Variants in RFPL1 observed in about 807,000 individuals in gnomAD.
RFPL1 encodes ret finger protein like 1.
Under a neutral mutation model 9.6 loss-of-function variants are expected in RFPL1, and 6 were observed. That is an observed-to-expected ratio of 0.62 (90% confidence interval 0.34 to 1.23). RFPL1 has a LOEUF of 1.23. RFPL1 is among the 50% of genes most tolerant of loss of function. RFPL1 has a pLI of 0.03. For synonymous variants in RFPL1, 145 were observed against 149.4 expected, an observed-to-expected ratio of 0.97 and a Z score of 0.22; for missense variants, 352 against 398.4, an observed-to-expected ratio of 0.88 and a Z score of 0.99.
the RFPL1 span, among the ~76,000 whole-genome samples, chr22:29,431,833 G>A: frequency 6.6e-6 from 1 of 151,958 alleles, no homozygotes; most frequent in Non-Finnish European, 1.5e-5. Context: ...TGGGATTACA[G>A]ATGTGCGCCA....
At chr22:29,423,284 G>T in the RFPL1 span, 1 of 987,382 alleles carries the variant, frequency 1.0e-6, no homozygotes. Context: ...CAGAACACAT[G>T]TGGTACAGGA....
At chr22:29,407,865 G>A in the RFPL1 span, among the ~76,000 whole-genome samples, 2 of 152,146 alleles carry the variant, frequency 1.3e-5, no homozygotes, top group African/African-American at 4.8e-5. Context: ...GATTTTCTCT[G>A]AGGATTTTCT....
the RFPL1 span, among the ~76,000 whole-genome samples, chr22:29,408,619 G>A: frequency 6.6e-6 from 1 of 152,116 alleles, no homozygotes; most frequent in Non-Finnish European, 1.5e-5. Context: ...TTTTTCTGGG[G>A]CTTCTAGAAT....
In RFPL1 at chr22:29,439,358, G is replaced by A. The variant is rs1374846569; in HGVS notation, c.373+194G>A. Reference sequence around the variant, plus strand: ...GATCTCCAAAAAAAAGGCTGGCTGGGCATGGTGGCTCATGCCTGTAATGTC... The same window carrying A: ...GATCTCCAAAAAAAAGGCTGGCTGGACATGGTGGCTCATGCCTGTAATGTC... On this transcript the variant is annotated intron_variant, in intron 1 of 1. Coordinates refer to ENST00000354373, the Ensembl canonical transcript of RFPL1. 10 of 870,418 alleles carry A rather than the reference G, an allele frequency of 1.1e-5. 1 individual carries two copies. Among genetic ancestry groups the A allele is most frequent in the Non-Finnish European group, 1.7e-5 (10 of 581,128 alleles). The allele number at this position is 870,418 out of a possible 1,614,324, so 53.9% of individuals were successfully genotyped here.
the RFPL1 span, among the ~76,000 whole-genome samples, chr22:29,425,153 G>C: frequency 6.9e-6 from 1 of 145,804 alleles, no homozygotes; most frequent in Non-Finnish European, 1.5e-5. Flanking sequence ...GCAGTGAGCC[G>C]AGATTGCGCC....
At chr22:29,433,331 A>T in the RFPL1 span, 3 of 151,900 alleles carry the variant, frequency 2.0e-5, no homozygotes, top group Non-Finnish European at 4.4e-5. Context: ...AATAATAAAA[A>T]CCCACATACC....
At chr22:29,430,766 A>G in the RFPL1 span, among the ~76,000 whole-genome samples, 1 of 152,190 alleles carries the variant, frequency 6.6e-6, no homozygotes, top group Non-Finnish European at 1.5e-5. Flanking sequence ...AACTAGCCCT[A>G]TTCATAGATT....
At chr22:29,417,878 G>A in the RFPL1 span, among the ~76,000 whole-genome samples, 1 of 151,898 alleles carries the variant, frequency 6.6e-6, no homozygotes, top group Admixed American at 6.6e-5. Flanking sequence ...CTTTGAGTTT[G>A]GGGTAGTGAG....
At chr22:29,413,890 C>G in the RFPL1 span, among the ~76,000 whole-genome samples, 1 of 152,190 alleles carries the variant, frequency 6.6e-6, no homozygotes, top group African/African-American at 2.4e-5. Flanking sequence ...CTTAAACCTT[C>G]AAAACTATTT....
the RFPL1 span, among the ~76,000 whole-genome samples, chr22:29,395,622 G>C: frequency 1.9e-4 from 29 of 152,306 alleles, no homozygotes; most frequent in African/African-American, 7.0e-4. Context: ...CTCTTGAAGA[G>C]CTCTGCTCTC....
the RFPL1 span, among the ~76,000 whole-genome samples, chr22:29,423,438 A>G: frequency 1.3e-5 from 2 of 151,384 alleles, no homozygotes; most frequent in South Asian, 4.2e-4. Context: ...CTGGTCTCAA[A>G]CTCCTGGGCT....
the RFPL1 span, among the ~76,000 whole-genome samples, chr22:29,417,190 A>T: frequency 0.038 from 5,760 of 152,054 alleles, 350 homozygotes; most frequent in African/African-American, 0.13. Context: ...GGGGCTTATC[A>T]TATCAGCAAA....
chr22:29,423,660 A>G, the RFPL1 span, among the ~76,000 whole-genome samples: 77 of 152,006 alleles, frequency 5.1e-4, no homozygotes, highest in East Asian at 1.2e-3. Context: ...AACTCATTAG[A>G]AGCCTCATCA....
chr22:29,398,812 A>G, the RFPL1 span, among the ~76,000 whole-genome samples: 1 of 152,228 alleles, frequency 6.6e-6, no homozygotes. Context: ...GCACTGTCCT[A>G]TGTGGAACTT....
chr22:29,429,329 C>T, the RFPL1 span, among the ~76,000 whole-genome samples: 1 of 152,148 alleles, frequency 6.6e-6, no homozygotes, highest in Non-Finnish European at 1.5e-5. Flanking sequence ...GCTGAGATTA[C>T]AGGCATGAGC....
At chr22:29,431,875 G>A in the RFPL1 span, among the ~76,000 whole-genome samples, 1 of 152,014 alleles carries the variant, frequency 6.6e-6, no homozygotes, top group African/African-American at 2.4e-5. Context: ...TGTATTTTTA[G>A]TAGAGATGGG....
chr22:29,428,145 C>T, the RFPL1 span, among the ~76,000 whole-genome samples: 1 of 152,094 alleles, frequency 6.6e-6, no homozygotes, highest in African/African-American at 2.4e-5. Flanking sequence ...AGCCCTGTCC[C>T]CTAAGAAACA....
the RFPL1 span, among the ~76,000 whole-genome samples, chr22:29,422,416 C>A: frequency 6.6e-6 from 1 of 152,034 alleles, no homozygotes; most frequent in African/African-American, 2.4e-5. Flanking sequence ...CCATCTCTAC[C>A]AAAAATACAA....
chr22:29,400,932 G>C, the RFPL1 span, among the ~76,000 whole-genome samples: 4 of 152,220 alleles, frequency 2.6e-5, no homozygotes, highest in Non-Finnish European at 4.4e-5. Flanking sequence ...ATGAGAAGCA[G>C]ACACCACCTC....
Sources: gnomAD v4.1 joint callset for allele counts (sites outside exome capture counted in the v4.1 genomes callset) on GRCh38, gnomAD v4.1.1 for gene constraint, MANE v1.5 for transcripts, NCBI Gene and HGNC (gene_info 2026-07-23, HGNC 2026-07-21) for gene names.